UBE2Z: variants seen among roughly 807,000 people sequenced by gnomAD.
The protein encoded by UBE2Z is ubiquitin conjugating enzyme E2 Z.
A neutral mutation model predicts 32.6 loss-of-function variants in UBE2Z; 10 were observed. That is an observed-to-expected ratio of 0.31 (90% CI 0.19 to 0.52). The LOEUF is 0.52. Among genes scored for constraint, UBE2Z ranks in the 20% least tolerant of loss-of-function variants. The pLI, the probability that UBE2Z is intolerant of heterozygous loss-of-function variation, is 0.97. For synonymous variants in UBE2Z, 183 were observed against 190.8 expected (o/e 0.96, Z 0.34); for missense variants, 343 against 480.9 (o/e 0.71, Z 2.68).
At chr17:48,926,407 C>G (rs1420421620) in intron 6 of UBE2Z, among the ~76,000 whole-genome samples, 1 of 151,646 alleles carries the variant, frequency 6.6e-6, no homozygotes, top group Non-Finnish European at 1.5e-5. Flanking sequence ...TATTGGTTTG[C>G]TTTTGAGGAA....
intron 1 of UBE2Z, 85 bp from the exon 2 acceptor site, chr17:48,910,723 G>A (rs2040670550): frequency 1.6e-5 from 16 of 1,008,460 alleles, no homozygotes; most frequent in South Asian, 8.9e-5. Flanking sequence ...GCCTCATTGA[G>A]GTGATAACAA....
chr17:48,923,754 G>T (rs2040779535), intron 6 of UBE2Z, among the ~76,000 whole-genome samples: 2 of 148,808 alleles, frequency 1.3e-5, no homozygotes, highest in African/African-American at 5.0e-5. Flanking sequence ...TTTTTTAAAG[G>T]CAGGTTCTCA....
rs540148072 is a variant in UBE2Z at position 48,927,198 on chromosome 17, A to G, written c.*64A>G. On this transcript the variant is annotated 3_prime_UTR_variant, in exon 7 of 7. Coordinates refer to ENST00000360943, the MANE Select transcript of UBE2Z (RefSeq NM_023079.5). The stretch of plus-strand genomic sequence containing the variant: ...CAGCAGAATCCCTTCCCCCCACCCC[A>G]GGGATGGAGAGGCACTGTGTATCTC... 13 of 1,526,350 alleles carry G rather than the reference A, an allele frequency of 8.5e-6. No homozygotes were observed. In the African/African-American group the frequency reaches 1.2e-4, roughly 14 times the overall value. 94.6% of individuals were successfully genotyped at this position (1,526,350 alleles called of 1,614,324 possible).
At chr17:48,916,403 C>T (rs982356483) in intron 4 of UBE2Z, among the ~76,000 whole-genome samples, 35 of 151,658 alleles carry the variant, frequency 2.3e-4, no homozygotes, top group African/African-American at 8.5e-4. Flanking sequence ...CAGGCGTGTA[C>T]CACCATGCCT....
At chr17:48,918,746 C>CT (rs71144542) in intron 4 of UBE2Z, among the ~76,000 whole-genome samples, 52,738 of 127,320 alleles carry the variant, frequency 0.41, 12,718 homozygotes, top group East Asian at 0.7. Context: ...TAGGTCTTGT[C>CT]TTTTTTTTTT....
chr17:48,915,970 A>G (rs2040716459), intron 3 of UBE2Z, 106 bp from the exon 4 acceptor site: 1 of 638,496 alleles, frequency 1.6e-6, no homozygotes, highest in African/African-American at 2.0e-5. Context: ...TAATAGTGAA[A>G]GAGAAACTTA....
At chr17:48,917,895 C>T (rs2040731698) in intron 4 of UBE2Z, among the ~76,000 whole-genome samples, 2 of 152,086 alleles carry the variant, frequency 1.3e-5, no homozygotes, top group African/African-American at 4.8e-5. Flanking sequence ...GTGATAGTCC[C>T]AAAAGAAAAT....
chr17:48,919,385 C>G (rs1040064575), intron 4 of UBE2Z, among the ~76,000 whole-genome samples: 9 of 152,218 alleles, frequency 5.9e-5, no homozygotes, highest in African/African-American at 2.2e-4. Flanking sequence ...CCATACTCCC[C>G]TTCTATTCAC....
intron 3 of UBE2Z, among the ~76,000 whole-genome samples, chr17:48,915,311 G>A (rs531362304): frequency 7.2e-5 from 11 of 152,246 alleles, no homozygotes; most frequent in Non-Finnish European, 2.9e-5. Context: ...ACAGAAGCAG[G>A]CAGTCAACTT....
At chr17:48,914,632 T>TC (rs2040706766) in intron 3 of UBE2Z, among the ~76,000 whole-genome samples, 1 of 152,208 alleles carries the variant, frequency 6.6e-6, no homozygotes. Flanking sequence ...TCTTTTGAGA[T>TC]ACCAGCCACA....
At chr17:48,914,216 G>C (rs1196658414) in intron 3 of UBE2Z, among the ~76,000 whole-genome samples, 1 of 152,112 alleles carries the variant, frequency 6.6e-6, no homozygotes, top group Non-Finnish European at 1.5e-5. Flanking sequence ...ATTTTGGATT[G>C]GTGTTTTTAT....
chr17:48,922,269 C>T (rs1228954604), intron 5 of UBE2Z, among the ~76,000 whole-genome samples: 2 of 152,222 alleles, frequency 1.3e-5, no homozygotes, highest in South Asian at 2.1e-4. Context: ...CACCTGTAAT[C>T]CCAGCTACTC....
At chr17:48,926,219 C>T (rs1282736158) in intron 6 of UBE2Z, among the ~76,000 whole-genome samples, 2 of 152,102 alleles carry the variant, frequency 1.3e-5, no homozygotes, top group African/African-American at 4.8e-5. Flanking sequence ...AATTCTAGAC[C>T]TGCTTCTGAC....
rs369210228 is a variant in UBE2Z, at chr17:48,921,283, A to G, written c.803+11A>G. The G allele has an allele frequency of 3.7e-6, 6 of 1,600,978 alleles. No homozygotes were observed. The highest frequency in any genetic ancestry group is 3.4e-5 in the Admixed American group (2 of 58,114). On this transcript the variant is annotated intron_variant, in intron 5 of 6. Coordinates refer to ENST00000360943, the MANE Select transcript of UBE2Z (RefSeq NM_023079.5). ...TCCTGAACCCCTACGGTATGTGTCA[A>G]GCGGGCTTGCTTGGTATTCCTTTCG...
intron 6 of UBE2Z, among the ~76,000 whole-genome samples, chr17:48,923,564 C>T (rs151291553): frequency 1.5e-3 from 220 of 150,306 alleles, no homozygotes; most frequent in African/African-American, 5.2e-3. Flanking sequence ...CCTGGGAGGC[C>T]GAGGTTGCAG....
intron 4 of UBE2Z, among the ~76,000 whole-genome samples, chr17:48,916,988 C>T (rs1199644502): frequency 2.7e-5 from 4 of 148,886 alleles, no homozygotes; most frequent in African/African-American, 5.0e-5. Flanking sequence ...GGGTAAGGAG[C>T]GAAACTCGGT....
intron 4 of UBE2Z, among the ~76,000 whole-genome samples, chr17:48,916,725 G>A (rs2143766023): frequency 6.6e-6 from 1 of 151,654 alleles, no homozygotes; most frequent in East Asian, 2.0e-4. Flanking sequence ...GCTCACACCT[G>A]TAATCCCAGC....
rs1359939120 is a variant in UBE2Z at position 48,928,181 on chromosome 17, T to TGG, written c.*1050_*1051dup. ...AAGGGTAGCCAATGGCAGAGGGGGT[T>TGG]GGGGCTGGGACTCTGGAGGCTCCTC... On this transcript the variant is annotated 3_prime_UTR_variant, in exon 7 of 7. Coordinates refer to ENST00000360943, the MANE Select transcript of UBE2Z (RefSeq NM_023079.5). 2 of 152,274 alleles carry TGG rather than the reference T, an allele frequency of 1.3e-5. No individual in the cohort carries two copies. Among genetic ancestry groups the TGG allele is most frequent in the East Asian group, 3.9e-4 (2 of 5,188 alleles). 9.4% of individuals were successfully genotyped at this position (152,274 alleles called of 1,614,324 possible). A position where few individuals can be genotyped will look rare whatever the true frequency, so the allele number is the denominator to read the frequency against.
At position 48,927,152 on chromosome 17, in the gene UBE2Z, C is replaced by T; in HGVS notation, c.*18C>T. The T allele has an allele frequency of 1.2e-6, 2 of 1,612,414 alleles. No individual in the cohort carries two copies. The highest frequency in any genetic ancestry group is 4.5e-5 in the East Asian group (2 of 44,840). ...GGGTTTAGACCCTGCTCCCATCTCC[C>T]CTTCCCCCACTCAAGAGTCCCAGCA... On this transcript the variant is annotated 3_prime_UTR_variant, in exon 7 of 7. Transcript: ENST00000360943.
Sources: gnomAD v4.1 joint callset for allele counts (sites outside exome capture counted in the v4.1 genomes callset) on GRCh38, gnomAD v4.1.1 for gene constraint, MANE v1.5 for transcripts, NCBI Gene and HGNC (gene_info 2026-07-23, HGNC 2026-07-21) for gene names.